The following SCRN3 variants were observed in gnomAD, a reference collection of about 807,000 sequenced individuals.
SCRN3 encodes the protein secernin 3.
Under a neutral mutation model 43.1 loss-of-function variants are expected in SCRN3, and 39 were observed. The ratio of observed to expected loss-of-function variants is 0.91; its 90% CI spans 0.70 to 1.18. The LOEUF (loss-of-function observed/expected upper bound fraction) is 1.18, where lower values mean the gene tolerates loss of function less well. Ranked by LOEUF, SCRN3 falls within the 50% of genes most tolerant of loss-of-function variation. The pLI is 0.00. For synonymous variants in SCRN3, 147 were observed against 163.1 expected, an observed-to-expected ratio of 0.90 and a Z score of 0.75; for missense variants, 484 against 498.0, an observed-to-expected ratio of 0.97 and a Z score of 0.27.
intron 1 of SCRN3, chr2:174,396,076 T>G: frequency 8.5e-7 from 1 of 1,176,888 alleles, no homozygotes; most frequent in Non-Finnish European, 1.1e-6. Flanking sequence ...ATCTATGTTA[T>G]GAAGATAATA....
chr2:174,413,581 C>CT (rs1686002192), intron 5 of SCRN3, among the ~76,000 whole-genome samples: 1 of 108,106 alleles, frequency 9.3e-6, no homozygotes, highest in Non-Finnish European at 1.9e-5. Flanking sequence ...TTTTTTTTGT[C>CT]TTTCCTTTTT....
chr2:174,427,318 A>C (rs143978942), intron 7 of SCRN3, among the ~76,000 whole-genome samples: 1 of 152,222 alleles, frequency 6.6e-6, no homozygotes, highest in East Asian at 1.9e-4. Context: ...TTATTGTTCT[A>C]TTGTATTAAT....
chr2:174,395,948 G>T (rs533350742), intron 1 of SCRN3, 131 bp downstream of exon 1: 167 of 1,408,300 alleles, frequency 1.2e-4, no homozygotes, highest in Non-Finnish European at 1.5e-4. Flanking sequence ...GAGCGCCCAG[G>T]GCCGGGGTGC....
In SCRN3 at chr2:174,395,812, G is replaced by A. The variant is rs1344964452; in HGVS notation, c.-15G>A. Reference sequence around the variant, plus strand: ...CACCTGTCACTTCGGGTAGCTGGGAGGCCAGGTGAGGGGCGCGCACGGGGG... The same window carrying A: ...CACCTGTCACTTCGGGTAGCTGGGAAGCCAGGTGAGGGGCGCGCACGGGGG... On this transcript the variant is annotated 5_prime_UTR_variant, in exon 1 of 8. Coordinates refer to ENST00000272732, the MANE Select transcript of SCRN3 (RefSeq NM_024583.5). The A allele has an allele frequency of 3.9e-6, 6 of 1,535,234 alleles. No homozygotes were observed. In the Admixed American group the frequency reaches 1.0e-4, roughly 27 times the overall value.
chr2:174,421,082 A>G (rs1211423391), intron 5 of SCRN3, among the ~76,000 whole-genome samples: 1 of 152,208 alleles, frequency 6.6e-6, no homozygotes, highest in Non-Finnish European at 1.5e-5. Context: ...CCAGAGGAAA[A>G]AAAATATCTT....
rs1686347649 is a variant in SCRN3 at position 174,423,017 on chromosome 2, A to T, written c.887A>T (p.His296Leu). ...CAAGACTCCAGCCTTCCTTGCATTC[A>T]CTTCTTTACAGGGACTCCTGATCCT... Reference protein sequence around the residue: ...LPQDSSLPCIHFFTGTPDPER... With the variant: ...LPQDSSLPCILFFTGTPDPER... Residue 296 changes from histidine to leucine, a missense_variant, in exon 6 of 8, where the codon CAC (histidine) becomes CTC (leucine). Coordinates refer to ENST00000272732, the MANE Select transcript of SCRN3 (RefSeq NM_024583.5). 1 of 1,613,390 alleles carries T rather than the reference A, an allele frequency of 6.2e-7. No homozygotes were observed. The highest frequency in any genetic ancestry group is 1.3e-5 in the African/African-American group (1 of 74,906).
chr2:174,406,522 T>C (rs1685699453), intron 5 of SCRN3, among the ~76,000 whole-genome samples: 2 of 149,740 alleles, frequency 1.3e-5, no homozygotes, highest in African/African-American at 4.8e-5. Context: ...AGAGAGGGCA[T>C]CCCTGTCTTG....
At chr2:174,413,079 T>A (rs1685982486) in intron 5 of SCRN3, among the ~76,000 whole-genome samples, 1 of 151,248 alleles carries the variant, frequency 6.6e-6, no homozygotes, top group African/African-American at 2.4e-5. Flanking sequence ...TCCATGTTGG[T>A]CAGGCTGGTC....
intron 5 of SCRN3, among the ~76,000 whole-genome samples, chr2:174,414,406 A>C (rs1488118247): frequency 1.3e-5 from 2 of 152,226 alleles, no homozygotes; most frequent in Non-Finnish European, 2.9e-5. Flanking sequence ...TTAATGAAAC[A>C]AATATGTAAT....
At chr2:174,426,861 C>A (rs574028788) in intron 7 of SCRN3, among the ~76,000 whole-genome samples, 1 of 152,148 alleles carries the variant, frequency 6.6e-6, no homozygotes, top group Non-Finnish European at 1.5e-5. Context: ...GAGACAGAGT[C>A]TCACTCTGTC....
chr2:174,399,813 C>T, intron 2 of SCRN3, 109 bp from the exon 3 acceptor site: 1 of 692,718 alleles, frequency 1.4e-6, no homozygotes, highest in South Asian at 4.9e-5. Context: ...TTTCCTTTAC[C>T]TCTTTCATAA....
intron 5 of SCRN3, among the ~76,000 whole-genome samples, chr2:174,418,001 T>G (rs1686173661): frequency 6.6e-6 from 1 of 152,112 alleles, no homozygotes; most frequent in South Asian, 2.1e-4. Context: ...CAGATATTCT[T>G]TAAAAATGAA....
chr2:174,405,561 G>T (rs1685664926), intron 5 of SCRN3, among the ~76,000 whole-genome samples: 1 of 137,710 alleles, frequency 7.3e-6, no homozygotes, highest in Non-Finnish European at 1.6e-5. Flanking sequence ...GTAATGCCTA[G>T]GTTTTCTTCT....
chr2:174,427,414 T>G (rs1186951646), intron 7 of SCRN3, among the ~76,000 whole-genome samples: 1 of 152,178 alleles, frequency 6.6e-6, no homozygotes, highest in Non-Finnish European at 1.5e-5. Context: ...ACATACACAG[T>G]TCATATGAGA....
At chr2:174,396,102 G>C in intron 1 of SCRN3, 4 of 1,062,934 alleles carry the variant, frequency 3.8e-6, no homozygotes, top group Non-Finnish European at 4.8e-6. Context: ...GGCCCTAACC[G>C]TAGTATGCTT....
At chr2:174,410,848 A>G (rs559358212) in intron 5 of SCRN3, among the ~76,000 whole-genome samples, 2 of 152,352 alleles carry the variant, frequency 1.3e-5, no homozygotes, top group African/African-American at 4.8e-5. Flanking sequence ...AGCTAAGTTC[A>G]AATACAAGAA....
intron 2 of SCRN3, among the ~76,000 whole-genome samples, chr2:174,398,812 T>C (rs1402070922): frequency 6.6e-6 from 1 of 152,176 alleles, no homozygotes; most frequent in Non-Finnish European, 1.5e-5. Flanking sequence ...ATGCTAAATT[T>C]AAGTAACAGT....
chr2:174,418,425 C>G (rs1686188718), intron 5 of SCRN3, among the ~76,000 whole-genome samples: 1 of 152,130 alleles, frequency 6.6e-6, no homozygotes, highest in African/African-American at 2.4e-5. Flanking sequence ...CATGTATATC[C>G]AAATTGAATC....
chr2:174,395,937 T>C, intron 1 of SCRN3, 120 bp downstream of exon 1: 1 of 1,412,798 alleles, frequency 7.1e-7, no homozygotes, highest in South Asian at 1.6e-5. Context: ...GGCTGCGGTT[T>C]GAGCGCCCAG....
Sources: gnomAD v4.1 joint callset for allele counts (sites outside exome capture counted in the v4.1 genomes callset) on GRCh38, gnomAD v4.1.1 for gene constraint, MANE v1.5 for transcripts, NCBI Gene and HGNC (gene_info 2026-07-23, HGNC 2026-07-21) for gene names.